Variants in ESR1 observed in about 807,000 individuals in gnomAD.
The protein encoded by ESR1 is estrogen receptor 1.
A neutral mutation model predicts 52.7 loss-of-function variants in ESR1; 12 were observed. The ratio of observed to expected loss-of-function variants is 0.23; its 90% CI spans 0.15 to 0.37. The LOEUF (loss-of-function observed/expected upper bound fraction) is 0.37, where lower values mean the gene tolerates loss of function less well. Ranked by LOEUF, ESR1 falls within the 10% of genes least tolerant of loss-of-function variation. The pLI is 1.00. For missense variants in ESR1, 584 were observed against 779.7 expected (o/e 0.75, Z 2.99); for synonymous variants, 305 against 316.8 (o/e 0.96, Z 0.39).
chr6:152,050,177 T>C lies in ESR1; in HGVS notation c.1236-10814T>C, dbSNP rs371459041. 2.6e-5 allele frequency among the ~76,000 whole-genome samples: 4 copies of C among 152,356 alleles called. No individual in the cohort carries two copies. The East Asian group carries it at 7.7e-4, about 29-fold the overall frequency. ...TGAAACTTTTTTCCTGCAATCATAC[T>C]TCCCAGCTTCTTCAGCAAGATCTGC... On this transcript the variant is annotated intron_variant, in intron 5 of 7. Transcript: ENST00000206249.
intron 2 of ESR1, among the ~76,000 whole-genome samples, chr6:151,855,461 A>G (rs1166138806): frequency 6.6e-6 from 1 of 152,074 alleles, no homozygotes; most frequent in Non-Finnish European, 1.5e-5. Flanking sequence ...CTCTGTCCAC[A>G]CCTAGAGACC....
Position 151,659,428 on chromosome 6 carries a change from G to T in ESR1, n.73+2665G>T, listed in dbSNP as rs1490322966. ...CTGGTTCCATTGTTCCTCCTGCAAA[G>T]TTCCATTCATAAAGTGGTTTCCCAT... is the stretch of plus-strand genomic sequence containing the variant. On this transcript the variant is annotated intron_variant and non_coding_transcript_variant, in intron 1 of 2. Transcript: ENST00000473497. Among the ~76,000 whole-genome samples the T allele has an allele frequency of 3.3e-5, 5 of 152,318 alleles. 1 individual carries two copies. The South Asian group carries it at 8.3e-4, about 25-fold the overall frequency.
upstream of ESR1, among the ~76,000 whole-genome samples, chr6:151,803,595 A>C (rs1479462741): frequency 6.6e-6 from 1 of 152,178 alleles, no homozygotes; most frequent in Non-Finnish European, 1.5e-5. Flanking sequence ...ATCCTGAAGC[A>C]GTAAAAAAAA....
chr6:152,001,402 C>A (rs1225274672), intron 4 of ESR1, among the ~76,000 whole-genome samples: 1 of 151,978 alleles, frequency 6.6e-6, no homozygotes, highest in Non-Finnish European at 1.5e-5. Context: ...TGAGACTAAT[C>A]CATTCCCTGG....
chr6:151,766,821 C>A (rs573116886), intron 2 of ESR1, among the ~76,000 whole-genome samples: 77 of 152,284 alleles, frequency 5.1e-4, no homozygotes, highest in African/African-American at 1.7e-3. Context: ...GTAGTAGGTT[C>A]TTTTGCATGT....
chr6:152,060,928 G>A (rs993346483), intron 5 of ESR1, 63 bp from the exon 6 acceptor site: 47 of 1,365,420 alleles, frequency 3.4e-5, no homozygotes, highest in Non-Finnish European at 5.1e-6. Context: ...TTCATGTCTT[G>A]TGGAAGATTT....
intron 3 of ESR1, among the ~76,000 whole-genome samples, chr6:151,895,836 C>T (rs571944975): frequency 3.9e-5 from 6 of 152,092 alleles, no homozygotes; most frequent in African/African-American, 9.7e-5. Flanking sequence ...GAGTTTTGCT[C>T]TTGTTGCCCA....
rs187605804 is a variant in ESR1, at chr6:151,895,408, G to A, written c.760+14637G>A. On this transcript the variant is annotated intron_variant, in intron 3 of 7. Transcript: ENST00000206249. ...TTTATTTCTTTCTCTTGTCTGCTCC[G>A]GCTAGGACTTCTGGTACTGTGTTGA... Among the ~76,000 whole-genome samples, 33 of 152,040 alleles carry A rather than the reference G, an allele frequency of 2.2e-4. No individual in the cohort carries two copies. In the East Asian group the frequency reaches 4.3e-3, roughly 20 times the overall value.
chr6:151,779,276 A>G (rs2203379), intron 2 of ESR1, among the ~76,000 whole-genome samples: 13,291 of 152,182 alleles, frequency 0.087, 708 homozygotes, highest in African/African-American at 0.1. Flanking sequence ...TGTATAAGGT[A>G]TAAGGAAGGG....
At chr6:151,722,715 T>G (rs1010296831) in intron 2 of ESR1, among the ~76,000 whole-genome samples, 3 of 152,232 alleles carry the variant, frequency 2.0e-5, no homozygotes, top group Non-Finnish European at 4.4e-5. Context: ...GGGAGGCAGA[T>G]GATCAGAACT....
chr6:151,931,485 G>A (rs913147990), intron 3 of ESR1, among the ~76,000 whole-genome samples: 8 of 151,386 alleles, frequency 5.3e-5, no homozygotes, highest in African/African-American at 1.9e-4. Context: ...AAGTTTTAGG[G>A]TACATGTGCA....
intron 1 of ESR1, among the ~76,000 whole-genome samples, chr6:151,835,273 A>T (rs555100248): frequency 2.6e-5 from 4 of 152,224 alleles, no homozygotes; most frequent in African/African-American, 7.2e-5. Flanking sequence ...TGGTTTGTTC[A>T]TGTGGAGGTG....
In ESR1 at chr6:151,753,366, G is replaced by A. The variant is rs192901485; in HGVS notation, c.-71+51361G>A. 1.1e-4 allele frequency among the ~76,000 whole-genome samples: 17 copies of A among 149,970 alleles called. No individual in the cohort carries two copies. In the East Asian group the frequency reaches 3.3e-3, roughly 29 times the overall value. ...ACAAGGTCTGACTCTCGCCCAGGCT[G>A]GAGTGCAGTGGCGTGATCTTGGCTC... is the stretch of plus-strand genomic sequence containing the variant. On this transcript the variant is annotated intron_variant, in intron 2 of 2. Coordinates refer to the ESR1 transcript ENST00000404742.
intron 4 of ESR1, among the ~76,000 whole-genome samples, chr6:151,998,450 G>A (rs79457806): frequency 1.1e-3 from 173 of 151,912 alleles, no homozygotes; most frequent in East Asian, 5.6e-3. Flanking sequence ...GAAAAGCACC[G>A]TGCTGGGTTC....
At chr6:152,038,642 T>C (rs1408970541) in intron 5 of ESR1, among the ~76,000 whole-genome samples, 1 of 152,202 alleles carries the variant, frequency 6.6e-6, no homozygotes, top group Non-Finnish European at 1.5e-5. Context: ...AATACTTTTT[T>C]TTTTTAAAAG....
intron 5 of ESR1, among the ~76,000 whole-genome samples, chr6:152,026,572 C>A (rs111292893): frequency 5.9e-4 from 89 of 151,744 alleles, no homozygotes; most frequent in African/African-American, 2.0e-3. Context: ...TTATTGATAC[C>A]AACACAGTTT....
downstream of ESR1, among the ~76,000 whole-genome samples, chr6:152,105,874 G>A (rs1470712710): frequency 2.4e-5 from 3 of 127,440 alleles, no homozygotes; most frequent in South Asian, 2.7e-4. Flanking sequence ...TGCAAGCTCC[G>A]CTTCCCGGGT....
chr6:151,699,768 G>A (rs1779628714), intron 1 of ESR1, among the ~76,000 whole-genome samples: 1 of 152,152 alleles, frequency 6.6e-6, no homozygotes, highest in African/African-American at 2.4e-5. Context: ...ATTATATAAT[G>A]GAATCCTGAG....
At chr6:152,110,551 A>G (rs767547088) in intron 6 of ESR1, among the ~76,000 whole-genome samples, 38 of 152,080 alleles carry the variant, frequency 2.5e-4, no homozygotes, top group Non-Finnish European at 4.7e-4. Context: ...AAGGAGGGAG[A>G]CAAACAGGAA....
Sources: allele counts gnomAD v4.1 joint callset (sites outside exome capture counted in the v4.1 genomes callset), GRCh38; gene constraint gnomAD v4.1.1; transcripts MANE v1.5; gene names NCBI Gene and HGNC (gene_info 2026-07-23, HGNC 2026-07-21).